The following JPH2 variants were observed in gnomAD, a reference collection of about 807,000 sequenced individuals.
JPH2 encodes junctophilin 2, also known as junctophilin-2.
In JPH2, 38 loss-of-function variants were observed where a neutral mutation model predicts 55.9. That is an observed-to-expected ratio of 0.68 (90% CI 0.52 to 0.89). The LOEUF (loss-of-function observed/expected upper bound fraction) is 0.89. Ranked by LOEUF, JPH2 falls within the 40% of genes least tolerant of loss-of-function variation. The probability of loss-of-function intolerance (pLI) is 0.00; values close to 1 mark genes in which losing one functional copy is unlikely to be tolerated. For missense variants in JPH2, 964 were observed against 1,037.6 expected, an observed-to-expected ratio of 0.93 and a Z score of 0.97; for synonymous variants, 480 against 472.4, an observed-to-expected ratio of 1.02 and a Z score of -0.21.
At chr20:44,163,395 A>C (rs575692042) in intron 1 of JPH2, among the ~76,000 whole-genome samples, 123 of 152,276 alleles carry the variant, frequency 8.1e-4, no homozygotes, top group African/African-American at 2.9e-3. Context: ...GTGCACTGTA[A>C]CTTTGGAGGC....
Position 44,185,872 on chromosome 20 carries a change from T to C in JPH2, c.379+455A>G, listed in dbSNP as rs183186077. ...ACGGGTGGGTGGATTGGTGTGTGGA[T>C]AGATGATGAGTGGATAGTTGGATGG... On this transcript the variant is annotated intron_variant, in intron 1 of 5. Coordinates refer to ENST00000372980, the MANE Select transcript of JPH2 (RefSeq NM_020433.5). Among the ~76,000 whole-genome samples, 3 of 151,026 alleles carry C rather than the reference T, an allele frequency of 2.0e-5. No homozygotes were observed. In the East Asian group the frequency reaches 5.9e-4, roughly 30 times the overall value.
chr20:44,136,404 C>G (rs571410584), intron 2 of JPH2, among the ~76,000 whole-genome samples: 8 of 151,928 alleles, frequency 5.3e-5, no homozygotes, highest in Non-Finnish European at 1.2e-4. Context: ...TGGGTGCAAC[C>G]CAGCAAGAGG....
chr20:44,160,116 C>G lies in JPH2; in HGVS notation c.671G>C (p.Gly224Ala), dbSNP rs772816984. 2 of 1,517,570 alleles carry G rather than the reference C, an allele frequency of 1.3e-6. No homozygotes were observed. The highest frequency in any genetic ancestry group is 2.4e-5 in the South Asian group (2 of 82,486). 94.0% of individuals were successfully genotyped at this position (1,517,570 alleles called of 1,614,324 possible). A position where few individuals can be genotyped will look rare whatever the true frequency, so the allele number is the denominator to read the frequency against. ...GCGCCGCAGCTTGCCCAGCAGCGCG[C>G]CCCGCTGGAAGAGGCCGCCGCCCTT... ...APKGGGLFQR[G>A]ALLGKLRRAE... Residue 224 changes from glycine to alanine, a missense_variant, in exon 2 of 6, where the codon GGC (glycine) becomes GCC (alanine). Coordinates refer to ENST00000372980, the MANE Select transcript of JPH2 (RefSeq NM_020433.5). The surrounding 1 kb of genome is among the most constrained non-coding windows in gnomAD (Gnocchi z 4.9).
intron 2 of JPH2, among the ~76,000 whole-genome samples, chr20:44,136,947 T>C (rs189977181): frequency 5.0e-4 from 76 of 152,362 alleles, no homozygotes; most frequent in East Asian, 2.7e-3. Context: ...CCCAGACTGA[T>C]GCAACCCTTC....
At chr20:44,151,022 C>T (rs868288173) in intron 2 of JPH2, among the ~76,000 whole-genome samples, 1 of 151,638 alleles carries the variant, frequency 6.6e-6, no homozygotes, top group Non-Finnish European at 1.5e-5. Flanking sequence ...AAAGCAAGAC[C>T]CTATCTCAAA....
chr20:44,186,577 GT>G lies in JPH2; in HGVS notation c.128del (p.Asn43ThrfsTer32). On this transcript the variant is annotated frameshift_variant, in exon 1 of 6. Coordinates refer to ENST00000372980, the MANE Select transcript of JPH2 (RefSeq NM_020433.5). LOFTEE classifies it high-confidence loss of function. Reference protein sequence around the residue: ...KGQGEYSGSWNFGFEVAGVYT... With the variant: ...KGQGEYSGSWXFGFEVAGVYT... ...AGACACCTGCCACCTCAAAGCCAAA[GT>G]TCCAGGAGCCAGAGTATTCGCCCTG... 1 of 1,613,694 alleles carries G rather than the reference GT, an allele frequency of 6.2e-7. No homozygotes were observed. Among genetic ancestry groups the G allele is most frequent in the Non-Finnish European group, 8.5e-7 (1 of 1,179,764 alleles).
At chr20:44,154,209 C>T (rs2072550047) in intron 2 of JPH2, among the ~76,000 whole-genome samples, 1 of 152,134 alleles carries the variant, frequency 6.6e-6, no homozygotes, top group Non-Finnish European at 1.5e-5. Context: ...TAACATGTAT[C>T]ACATTGTAAT....
rs1422904526 is a variant in JPH2 at position 44,159,474 on chromosome 20, G to A, written c.1169+144C>T. 2.5e-5 allele frequency: 21 copies of A among 830,068 alleles called. 1 individual carries two copies. In the South Asian group the frequency reaches 3.0e-4, roughly 12 times the overall value. The allele number at this position is 830,068 out of a possible 1,614,324, so 51.4% of individuals were successfully genotyped here. On this transcript the variant is annotated intron_variant, in intron 2 of 5. Transcript: ENST00000372980. This position sits in a 1 kb window ranked among gnomAD's most constrained non-coding sequence, Gnocchi z 5.7. ...GAGTGAACAGGAGCCACCAGCTCCC[G>A]AAGAGCCTCCAATTAACCCCTGAAG...
chr20:44,186,847 C>A lies in JPH2; in HGVS notation c.-142G>T. On this transcript the variant is annotated 5_prime_UTR_variant, in exon 1 of 6. Coordinates refer to ENST00000372980, the MANE Select transcript of JPH2 (RefSeq NM_020433.5). ...CCCCAGGAGGGGGGAAGCAGGATGC[C>A]AGCAGAGGCTGAAAGAGCCCCGGCG... 1 of 834,658 alleles carries A rather than the reference C, an allele frequency of 1.2e-6. No individual in the cohort carries two copies. Among genetic ancestry groups the A allele is most frequent in the South Asian group, 1.7e-5 (1 of 60,046 alleles). The allele number at this position is 834,658 out of a possible 1,614,324, so 51.7% of individuals were successfully genotyped here.
chr20:44,126,449 G>A (rs1188685473), intron 2 of JPH2, among the ~76,000 whole-genome samples: 1 of 152,086 alleles, frequency 6.6e-6, no homozygotes, highest in Non-Finnish European at 1.5e-5. Flanking sequence ...TCTTCCTGAG[G>A]TGGGGATGCT....
intron 2 of JPH2, among the ~76,000 whole-genome samples, chr20:44,156,171 A>C (rs1217322766): frequency 6.6e-6 from 1 of 152,220 alleles, no homozygotes; most frequent in African/African-American, 2.4e-5. Context: ...CAGGAAGAAG[A>C]CATTGATGGA....
chr20:44,145,160 C>G (rs954619519), intron 2 of JPH2, among the ~76,000 whole-genome samples: 1 of 152,002 alleles, frequency 6.6e-6, no homozygotes, highest in Non-Finnish European at 1.5e-5. Context: ...AGCACTGATC[C>G]GAATCCCTGG....
In JPH2 at chr20:44,110,790, T is replaced by C. The variant is rs2072136482; in HGVS notation, c.*2728A>G. Among the ~76,000 whole-genome samples the C allele has an allele frequency of 2.6e-5, 4 of 152,124 alleles. No homozygotes were observed. The highest frequency in any genetic ancestry group is 5.9e-5 in the Non-Finnish European group (4 of 68,008). On this transcript the variant is annotated 3_prime_UTR_variant, in exon 6 of 6. Transcript: ENST00000372980. Reference sequence around the variant, plus strand: ...TTGAGCCTCACAACTGCATTGCCTATGAGGAAGACCATGGGGCAGGGATTA... The same window carrying C: ...TTGAGCCTCACAACTGCATTGCCTACGAGGAAGACCATGGGGCAGGGATTA...
At position 44,112,180 on chromosome 20, in the gene JPH2, A is replaced by G. The variant is rs561757780; in HGVS notation, c.*1338T>C. Reference sequence around the variant, plus strand: ...CTGGGGAGGCCCTGCCACAAAGCCAAAGCCTCCAAGGTCCACAGAAATGAA... The same window carrying G: ...CTGGGGAGGCCCTGCCACAAAGCCAGAGCCTCCAAGGTCCACAGAAATGAA... On this transcript the variant is annotated 3_prime_UTR_variant, in exon 6 of 6. Transcript: ENST00000372980. 6.6e-6 allele frequency: 1 copy of G among 152,388 alleles called. No individual in the cohort carries two copies. Among genetic ancestry groups the G allele is most frequent in the East Asian group, 1.9e-4 (1 of 5,160 alleles). The allele number at this position is 152,388 out of a possible 1,614,324, so 9.4% of individuals were successfully genotyped here. A position where few individuals can be genotyped will look rare whatever the true frequency, so the allele number is the denominator to read the frequency against.
At chr20:44,140,310 C>T (rs1335137662) in intron 2 of JPH2, among the ~76,000 whole-genome samples, 1 of 152,146 alleles carries the variant, frequency 6.6e-6, no homozygotes, top group Admixed American at 6.5e-5. Flanking sequence ...CCAGGGGGCA[C>T]CCCAGTTTAG....
intron 2 of JPH2, among the ~76,000 whole-genome samples, chr20:44,128,821 A>T (rs1046185418): frequency 6.6e-6 from 1 of 152,082 alleles, no homozygotes; most frequent in African/African-American, 2.4e-5. Flanking sequence ...CAAATAACTC[A>T]GATTACAGGG....
chr20:44,186,918 C>A lies in JPH2; in HGVS notation c.-213G>T. The A allele has an allele frequency of 1.7e-6, 1 of 599,968 alleles. No homozygotes were observed. The highest frequency in any genetic ancestry group is 2.8e-5 in the East Asian group (1 of 36,200). 37.2% of individuals were successfully genotyped at this position (599,968 alleles called of 1,614,324 possible). A position where few individuals can be genotyped will look rare whatever the true frequency, so the allele number is the denominator to read the frequency against. ...CTAGTCAGTGCCATGCCCGGGAGCC[C>A]CGACTCCACCAGCCAGAGCAAGGCT... is the stretch of plus-strand genomic sequence containing the variant. On this transcript the variant is annotated 5_prime_UTR_variant, in exon 1 of 6. Transcript: ENST00000372980.
rs1224119870 is a variant in JPH2 at position 44,109,480 on chromosome 20, G to C, written c.*4038C>G. Among the ~76,000 whole-genome samples the C allele has an allele frequency of 6.6e-6, 1 of 152,168 alleles. No individual in the cohort carries two copies. The highest frequency in any genetic ancestry group is 1.5e-5 in the Non-Finnish European group (1 of 68,034). ...CAGCAACCATGTTCTGAACCACACA[G>C]CTGTTCTGCCACCACATACAGGAGG... On this transcript the variant is annotated 3_prime_UTR_variant, in exon 6 of 6. Transcript: ENST00000372980.
chr20:44,126,143 G>GAGAGAGAGGGAGGGAGGGAGT (rs1569186855), intron 2 of JPH2, among the ~76,000 whole-genome samples: 1 of 26,206 alleles, frequency 3.8e-5, no homozygotes, highest in African/African-American at 1.5e-4. Context: ...AAAGAGAGAG[G>GAGAGAGAGGGAGGGAGGGAGT]GAGGGAGGGA....
Sources: gnomAD v4.1 joint callset for allele counts (sites outside exome capture counted in the v4.1 genomes callset) on GRCh38, gnomAD v4.1.1 for gene constraint, Gnocchi (gnomAD v3.1) non-coding constraint, MANE v1.5 for transcripts, NCBI Gene and HGNC (gene_info 2026-07-23, HGNC 2026-07-21) for gene names.